Variants in ROR1 observed in about 807,000 individuals in gnomAD.
ROR1 encodes the protein inactive tyrosine-protein kinase transmembrane receptor ROR1.
Under a neutral mutation model 78.8 loss-of-function variants are expected in ROR1, and 19 were observed. That is an observed-to-expected ratio of 0.24 (90% CI 0.17 to 0.35). The LOEUF is 0.35. Among genes scored for constraint, ROR1 ranks in the 10% least tolerant of loss-of-function variants. The pLI is 1.00. For synonymous variants in ROR1, 386 were observed against 433.6 expected, an observed-to-expected ratio of 0.89 and a Z score of 1.36; for missense variants, 917 against 1,177.8, an observed-to-expected ratio of 0.78 and a Z score of 3.24.
chr1:63,814,072 T>C (rs1254013712), intron 1 of ROR1, among the ~76,000 whole-genome samples: 1 of 152,258 alleles, frequency 6.6e-6, no homozygotes, highest in Non-Finnish European at 1.5e-5. Context: ...CCAAATAGTT[T>C]CTGTGTACAT....
At chr1:63,781,842 G>A (rs1422241843) in intron 1 of ROR1, among the ~76,000 whole-genome samples, 1 of 152,208 alleles carries the variant, frequency 6.6e-6, no homozygotes, top group Non-Finnish European at 1.5e-5. Context: ...GTGATTGTTG[G>A]AAGAGTAAGT....
chr1:63,891,524 T>A lies in ROR1; in HGVS notation c.91+117016T>A, dbSNP rs1022952168. ...GTGATGTTAATTTTAGGTGTCAACT[T>A]GACTAGGCTAAGGGAGGCCCAGGTA... On this transcript the variant is annotated intron_variant, in intron 1 of 8. Transcript: ENST00000371079. Among the ~76,000 whole-genome samples, 13 of 152,274 alleles carry A rather than the reference T, an allele frequency of 8.5e-5. 1 individual carries two copies. Among genetic ancestry groups the A allele is most frequent in the African/African-American group, 3.1e-4 (13 of 41,552 alleles).
At chr1:64,122,138 T>C (rs1354445486) in intron 4 of ROR1, among the ~76,000 whole-genome samples, 1 of 152,194 alleles carries the variant, frequency 6.6e-6, no homozygotes, top group Non-Finnish European at 1.5e-5. Context: ...ACCCGAGATG[T>C]TGAGGCTGGA....
At chr1:64,149,255 C>A (rs1649556713) in intron 7 of ROR1, among the ~76,000 whole-genome samples, 1 of 152,126 alleles carries the variant, frequency 6.6e-6, no homozygotes, top group Non-Finnish European at 1.5e-5. Context: ...GAAAAACAGG[C>A]AATGTTGTTT....
At chr1:64,115,514 T>G (rs1292704913) in intron 4 of ROR1, among the ~76,000 whole-genome samples, 1 of 151,982 alleles carries the variant, frequency 6.6e-6, no homozygotes, top group African/African-American at 2.4e-5. Context: ...TCTTAAATTC[T>G]TATATATGCC....
intron 1 of ROR1, among the ~76,000 whole-genome samples, chr1:63,921,717 T>C (rs1349861530): frequency 6.6e-6 from 1 of 152,008 alleles, no homozygotes; most frequent in African/African-American, 2.4e-5. Context: ...AGGAAACCTG[T>C]GTTCTCATCA....
Position 64,050,766 on chromosome 1 carries a change from T to C in ROR1, c.482+50T>C, listed in dbSNP as rs1284576829. 9 of 1,578,318 alleles carry C rather than the reference T, an allele frequency of 5.7e-6. No individual in the cohort carries two copies. The Admixed American group carries it at 1.5e-4, about 26-fold the overall frequency. On this transcript the variant is annotated intron_variant, in intron 4 of 8. Transcript: ENST00000371079. ...GTCATTTCTAAGTGTTTCTCCGTGG[T>C]TTTCTAGGGCAAAAGCAATGTTGTC... is the stretch of plus-strand genomic sequence containing the variant.
intron 4 of ROR1, among the ~76,000 whole-genome samples, chr1:64,096,062 A>G (rs961036325): frequency 6.6e-6 from 1 of 152,280 alleles, no homozygotes; most frequent in East Asian, 1.9e-4. Context: ...TGTGAACAAT[A>G]CCATCAGTGT....
chr1:63,825,019 C>G (rs1005964047), intron 1 of ROR1, among the ~76,000 whole-genome samples: 1 of 151,970 alleles, frequency 6.6e-6, no homozygotes, highest in Non-Finnish European at 1.5e-5. Context: ...ATTAAAAAAA[C>G]AACTAACAAT....
intron 4 of ROR1, among the ~76,000 whole-genome samples, chr1:64,103,181 G>A (rs1647636386): frequency 6.6e-6 from 1 of 152,156 alleles, no homozygotes. Context: ...GACTGACTTG[G>A]CGATGTGGGC....
At chr1:64,031,635 C>T (rs1354086366) in intron 2 of ROR1, among the ~76,000 whole-genome samples, 1 of 152,200 alleles carries the variant, frequency 6.6e-6, no homozygotes, top group East Asian at 1.9e-4. Flanking sequence ...AATACATAAC[C>T]CTTTTTGTCT....
intron 1 of ROR1, among the ~76,000 whole-genome samples, chr1:63,833,996 T>C (rs1645004940): frequency 6.6e-6 from 1 of 150,880 alleles, no homozygotes; most frequent in Non-Finnish European, 1.5e-5. Context: ...TCTTCTTTTT[T>C]TTTTTTTTTT....
chr1:64,079,993 C>T (rs1019752607), intron 4 of ROR1, among the ~76,000 whole-genome samples: 5 of 152,124 alleles, frequency 3.3e-5, no homozygotes, highest in Non-Finnish European at 7.4e-5. Context: ...AGGCAGAATG[C>T]CCATCCCTTC....
chr1:64,053,526 T>C (rs1427437796), intron 4 of ROR1, among the ~76,000 whole-genome samples: 1 of 152,216 alleles, frequency 6.6e-6, no homozygotes, highest in Admixed American at 6.5e-5. Flanking sequence ...CTAACACTTA[T>C]AGGACCTGGG....
chr1:63,997,077 T>C (rs1179815024), intron 1 of ROR1, among the ~76,000 whole-genome samples: 1 of 152,170 alleles, frequency 6.6e-6, no homozygotes, highest in African/African-American at 2.4e-5. Context: ...GGAATCTTAA[T>C]AGCTTTCTCA....
At chr1:63,806,609 G>C (rs768712282) in intron 1 of ROR1, among the ~76,000 whole-genome samples, 1 of 152,152 alleles carries the variant, frequency 6.6e-6, no homozygotes, top group Non-Finnish European at 1.5e-5. Flanking sequence ...GAGCCACCGC[G>C]CCTGGCCCAG....
At chr1:63,825,822 G>A (rs1197280335) in intron 1 of ROR1, among the ~76,000 whole-genome samples, 1 of 152,142 alleles carries the variant, frequency 6.6e-6, no homozygotes, top group East Asian at 1.9e-4. Context: ...TCCATATTCA[G>A]TAGGTTCAAT....
intron 1 of ROR1, among the ~76,000 whole-genome samples, chr1:63,935,986 G>A (rs931960365): frequency 1.3e-5 from 2 of 152,208 alleles, no homozygotes; most frequent in Admixed American, 1.3e-4. Flanking sequence ...TCCCAAGTTG[G>A]ATGTTGCTGG....
chr1:63,843,419 C>T, intron 1 of ROR1: 1 of 748,292 alleles, frequency 1.3e-6, no homozygotes, highest in Non-Finnish European at 2.4e-6. Context: ...TCTCCTTGGT[C>T]TCGTAGGTTG....
Sources: gnomAD v4.1 joint callset for allele counts (sites outside exome capture counted in the v4.1 genomes callset) on GRCh38, gnomAD v4.1.1 for gene constraint, MANE v1.5 for transcripts, NCBI Gene and HGNC (gene_info 2026-07-23, HGNC 2026-07-21) for gene names.